The following CDRT4 variants were observed in gnomAD, a reference collection of about 807,000 sequenced individuals.
The protein encoded by CDRT4 is CMT1A duplicated region transcript 4 protein.
For missense variants in CDRT4, 167 were observed against 193.1 expected, an observed-to-expected ratio of 0.87 and a Z score of 0.80; for synonymous variants, 64 against 69.6, an observed-to-expected ratio of 0.92 and a Z score of 0.40.
Position 15,440,260 on chromosome 17 carries a change from TTTC to T in CDRT4, c.-25_-23del, listed in dbSNP as rs1477390346. On this transcript the variant is annotated 5_prime_UTR_variant, in exon 3 of 4. Transcript: ENST00000619038. ...CCATCTTCTTTTTAATATTTACTGA[TTTC>T]TTAACATCACAGGTTCAGATTCCTA... is the stretch of plus-strand genomic sequence containing the variant. 5 of 1,612,946 alleles carry T rather than the reference TTTC, an allele frequency of 3.1e-6. No homozygotes were observed. The highest frequency in any genetic ancestry group is 1.7e-6 in the Non-Finnish European group (2 of 1,180,000).
At chr17:15,444,220 A>T (rs932370239) in intron 2 of CDRT4, 5 of 801,174 alleles carry the variant, frequency 6.2e-6, no homozygotes, top group Admixed American at 6.0e-5. Context: ...CTACAGAAAC[A>T]AGATGCCGGA....
chr17:15,467,070 G>C lies in CDRT4; in HGVS notation c.-130+390C>G, dbSNP rs916862080. Among the ~76,000 whole-genome samples the C allele has an allele frequency of 7.2e-5, 11 of 152,196 alleles. No homozygotes were observed. The South Asian group carries it at 2.1e-3, about 29-fold the overall frequency. On this transcript the variant is annotated intron_variant, in intron 1 of 3. Coordinates refer to ENST00000619038, the MANE Select transcript of CDRT4 (RefSeq NM_001204477.2). The stretch of plus-strand genomic sequence containing the variant: ...CCAACCCATCACCCCCAGGGGATGG[G>C]GGGGAACGGGGGTATATTTTGTGTG...
At chr17:15,441,230 T>C (rs563148898) in intron 2 of CDRT4, among the ~76,000 whole-genome samples, 2 of 152,310 alleles carry the variant, frequency 1.3e-5, no homozygotes, top group South Asian at 4.1e-4. Context: ...GCTGGTGCTT[T>C]TGGTCTGGCG....
intron 1 of CDRT4, among the ~76,000 whole-genome samples, 165 bp downstream of exon 1, chr17:15,467,295 T>A (rs987368641): frequency 6.6e-6 from 1 of 152,138 alleles, no homozygotes; most frequent in African/African-American, 2.4e-5. Flanking sequence ...AGGATTGGGA[T>A]CCACTTAAGG....
At chr17:15,438,572 A>C (rs1255384771) in intron 3 of CDRT4, among the ~76,000 whole-genome samples, 1 of 152,230 alleles carries the variant, frequency 6.6e-6, no homozygotes, top group African/African-American at 2.4e-5. Flanking sequence ...CAGTACACTT[A>C]GTGCTTGAAA....
chr17:15,462,443 A>AC (rs1567614888), intron 1 of CDRT4, among the ~76,000 whole-genome samples: 2 of 150,362 alleles, frequency 1.3e-5, no homozygotes, highest in African/African-American at 5.0e-5. Flanking sequence ...AAAAAAAAAA[A>AC]AAAAAAAAGA....
At chr17:15,438,833 A>G (rs912808828) in intron 3 of CDRT4, among the ~76,000 whole-genome samples, 2 of 152,202 alleles carry the variant, frequency 1.3e-5, no homozygotes, top group Non-Finnish European at 2.9e-5. Context: ...GTTACACCTT[A>G]TAAGGTAGGT....
intron 1 of CDRT4, among the ~76,000 whole-genome samples, chr17:15,459,681 C>T (rs199667880): frequency 2.0e-5 from 3 of 151,948 alleles, no homozygotes; most frequent in South Asian, 2.1e-4. Flanking sequence ...CTCCTGACCT[C>T]GTGATCCGCC....
Position 15,437,822 on chromosome 17 carries a change from A to G in CDRT4, c.410T>C (p.Ile137Thr), listed in dbSNP as rs1325503309. 6.2e-7 allele frequency: 1 copy of G among 1,614,010 alleles called. No individual in the cohort carries two copies. The highest frequency in any genetic ancestry group is 8.5e-7 in the Non-Finnish European group (1 of 1,180,040). Residue 137 changes from isoleucine to threonine, a missense_variant, in exon 4 of 4, where the codon ATC becomes ACC. Coordinates refer to ENST00000619038, the MANE Select transcript of CDRT4 (RefSeq NM_001204477.2). ...DCPTENYNKI[I>T]FARKPMMRML... ...CCTCATCATAGGCTTGCGGGCAAAGATGATCTTGTTATAGTTTTCAGTTGG... is the reference window on the plus strand; with the variant it reads ...CCTCATCATAGGCTTGCGGGCAAAGGTGATCTTGTTATAGTTTTCAGTTGG...
intron 1 of CDRT4, among the ~76,000 whole-genome samples, chr17:15,453,921 C>T (rs182097352): frequency 6.6e-6 from 1 of 152,262 alleles, no homozygotes; most frequent in Admixed American, 6.5e-5. Flanking sequence ...TCATATACAG[C>T]ACTGGGCAGA....
At chr17:15,466,018 T>C (rs1436982055) in intron 1 of CDRT4, among the ~76,000 whole-genome samples, 1 of 116,270 alleles carries the variant, frequency 8.6e-6, no homozygotes, top group Non-Finnish European at 1.7e-5. Context: ...TTAGAAGACA[T>C]CCCTGAAGGA....
intron 1 of CDRT4, among the ~76,000 whole-genome samples, chr17:15,457,176 A>C (rs2150796214): frequency 6.6e-6 from 1 of 152,128 alleles, no homozygotes; most frequent in East Asian, 1.9e-4. Context: ...TGTCTCTGAA[A>C]CCTCTTGGCA....
At chr17:15,465,296 G>A (rs1210755414) in intron 1 of CDRT4, among the ~76,000 whole-genome samples, 1 of 93,900 alleles carries the variant, frequency 1.1e-5, no homozygotes, top group African/African-American at 6.2e-5. Context: ...ACCAACACCA[G>A]ACACACCAAC....
At chr17:15,439,980 C>A (rs1006197202) in intron 3 of CDRT4, among the ~76,000 whole-genome samples, 2 of 151,880 alleles carry the variant, frequency 1.3e-5, no homozygotes, top group African/African-American at 4.8e-5. Context: ...AGGAGATATA[C>A]CTAATGTAAA....
At chr17:15,444,574 C>G (rs1376163211) in intron 2 of CDRT4, among the ~76,000 whole-genome samples, 1 of 151,996 alleles carries the variant, frequency 6.6e-6, no homozygotes, top group African/African-American at 2.4e-5. Flanking sequence ...GAAAAAGAAC[C>G]GGGCGCGGTG....
Position 15,443,725 on chromosome 17 carries a change from C to T in CDRT4, c.-47-3440G>A, listed in dbSNP as rs566274772. The T allele has an allele frequency of 4.7e-5, 22 of 472,684 alleles. No homozygotes were observed. In the East Asian group the frequency reaches 7.1e-4, roughly 15 times the overall value. 29.3% of individuals were successfully genotyped at this position (472,684 alleles called of 1,614,324 possible). On this transcript the variant is annotated intron_variant, in intron 2 of 3. Coordinates refer to ENST00000619038, the MANE Select transcript of CDRT4 (RefSeq NM_001204477.2). ...AGGGACACACAGTTATCGTGAAGGG[C>T]CCCAGAGGGACTTCAATCACATCAG... is the stretch of plus-strand genomic sequence containing the variant.
At chr17:15,441,407 C>T (rs965421520) in intron 2 of CDRT4, among the ~76,000 whole-genome samples, 2 of 152,166 alleles carry the variant, frequency 1.3e-5, no homozygotes, top group Non-Finnish European at 2.9e-5. Context: ...CTAAGTAACT[C>T]CTAAATGATA....
intron 2 of CDRT4, among the ~76,000 whole-genome samples, chr17:15,444,861 T>C (rs1442274314): frequency 1.3e-5 from 2 of 152,076 alleles, no homozygotes; most frequent in Non-Finnish European, 2.9e-5. Context: ...AAAAGGGCCA[T>C]GAAGTATTTC....
In CDRT4 at chr17:15,437,711, C is replaced by T. The variant is rs1283909395; in HGVS notation, c.*62G>A. The T allele has an allele frequency of 3.4e-5, 52 of 1,522,986 alleles. 2 individuals are homozygous for T. In the South Asian group the frequency reaches 5.7e-4, roughly 17 times the overall value. The allele number at this position is 1,522,986 out of a possible 1,614,324, so 94.3% of individuals were successfully genotyped here. A position where few individuals can be genotyped will look rare whatever the true frequency, so the allele number is the denominator to read the frequency against. ...TGGTAAATGGAGCTTAACTTTTGTA[C>T]GTTCTTGGGGAATGGCTGCAGGGAC... On this transcript the variant is annotated 3_prime_UTR_variant, in exon 4 of 4. Coordinates refer to ENST00000619038, the MANE Select transcript of CDRT4 (RefSeq NM_001204477.2).
Sources: allele counts gnomAD v4.1 joint callset (sites outside exome capture counted in the v4.1 genomes callset), GRCh38; gene constraint gnomAD v4.1.1; transcripts MANE v1.5; gene names NCBI Gene and HGNC (gene_info 2026-07-23, HGNC 2026-07-21).